Variants in BCHE observed in about 807,000 individuals in gnomAD.
The protein encoded by BCHE is cholinesterase.
In BCHE, 48 loss-of-function variants were observed where a neutral mutation model predicts 51.3. The observed-to-expected ratio is 0.94, with a 90% confidence interval of 0.74 to 1.19. BCHE has a LOEUF of 1.19. Among genes scored for constraint, BCHE ranks in the 50% most tolerant of loss-of-function variants. The pLI is 0.00. For missense variants in BCHE, 847 were observed against 708.2 expected, an observed-to-expected ratio of 1.20 and a Z score of -2.23; for synonymous variants, 251 against 238.0, an observed-to-expected ratio of 1.05 and a Z score of -0.50.
intron 2 of BCHE, among the ~76,000 whole-genome samples, chr3:165,806,907 A>T (rs1299354615): frequency 1.3e-5 from 2 of 152,070 alleles, no homozygotes; most frequent in Non-Finnish European, 2.9e-5. Flanking sequence ...GAACACTATA[A>T]TCTTATAGAA....
chr3:165,786,955 T>C (rs1712977949), intron 2 of BCHE, among the ~76,000 whole-genome samples: 1 of 151,728 alleles, frequency 6.6e-6, no homozygotes, highest in African/African-American at 2.4e-5. Flanking sequence ...TTTTCAGATA[T>C]TCTTTTTATA....
At chr3:165,786,068 C>T (rs1712932974) in intron 3 of BCHE, 77 bp downstream of exon 3, 2 of 1,463,490 alleles carry the variant, frequency 1.4e-6, no homozygotes, top group South Asian at 2.3e-5. Context: ...CATCACCGTG[C>T]CTTGGAGAGT....
chr3:165,776,625 A>T (rs2108194289), intron 3 of BCHE, among the ~76,000 whole-genome samples: 1 of 152,042 alleles, frequency 6.6e-6, no homozygotes, highest in African/African-American at 2.4e-5. Flanking sequence ...AATTAATTTT[A>T]GAAATAAAGA....
chr3:165,783,019 G>T (rs1161944594), intron 3 of BCHE, among the ~76,000 whole-genome samples: 1 of 152,070 alleles, frequency 6.6e-6, no homozygotes, highest in African/African-American at 2.4e-5. Context: ...TAGCAGAAGA[G>T]AATGCAAAGG....
chr3:165,823,934 CTTT>C (rs33928098), intron 2 of BCHE, among the ~76,000 whole-genome samples: 71 of 132,700 alleles, frequency 5.4e-4, no homozygotes, highest in Middle Eastern at 4.0e-3. Flanking sequence ...ACCCAACCAA[CTTT>C]TTTTTTTTTT....
chr3:165,799,106 T>C (rs943014566), intron 2 of BCHE, among the ~76,000 whole-genome samples: 1 of 152,156 alleles, frequency 6.6e-6, no homozygotes, highest in African/African-American at 2.4e-5. Context: ...AAATAAATCA[T>C]TTTTCAACTT....
At chr3:165,824,390 A>C (rs1714643387) in intron 2 of BCHE, among the ~76,000 whole-genome samples, 1 of 152,040 alleles carries the variant, frequency 6.6e-6, no homozygotes, top group Non-Finnish European at 1.5e-5. Flanking sequence ...AAGACTCTCA[A>C]GAAATAGGAA....
intron 3 of BCHE, among the ~76,000 whole-genome samples, chr3:165,779,129 C>G (rs1712583921): frequency 6.6e-6 from 1 of 152,150 alleles, no homozygotes; most frequent in South Asian, 2.1e-4. Context: ...ACATATTAAT[C>G]TCGTACTACG....
intron 2 of BCHE, among the ~76,000 whole-genome samples, chr3:165,799,103 T>A (rs150095321): frequency 1.9e-3 from 287 of 152,280 alleles, no homozygotes; most frequent in African/African-American, 6.7e-3. Context: ...GATAAATAAA[T>A]CATTTTTCAA....
At chr3:165,802,228 G>A (rs1252279937) in intron 2 of BCHE, among the ~76,000 whole-genome samples, 1 of 152,184 alleles carries the variant, frequency 6.6e-6, no homozygotes, top group African/African-American at 2.4e-5. Context: ...GTGATATCAA[G>A]GAGACCAAGT....
At chr3:165,820,642 T>C (rs1485823712) in intron 2 of BCHE, among the ~76,000 whole-genome samples, 4 of 152,008 alleles carry the variant, frequency 2.6e-5, no homozygotes, top group Admixed American at 2.6e-4. Context: ...TAAGAATTTT[T>C]CTCTTCACTC....
intron 2 of BCHE, among the ~76,000 whole-genome samples, chr3:165,792,808 G>A (rs1378208668): frequency 6.6e-6 from 1 of 152,088 alleles, no homozygotes; most frequent in Non-Finnish European, 1.5e-5. Flanking sequence ...TATGTGTATT[G>A]CAATAAAAAC....
Position 165,830,256 on chromosome 3 carries a change from C to A in BCHE, c.778G>T (p.Ala260Ser). The change falls in exon 2 of 4, where the codon GCG becomes TCG. Residue 260 changes from alanine (A) to serine (S), a missense_variant. Coordinates refer to ENST00000264381, the MANE Select transcript of BCHE (RefSeq NM_000055.4). ...LQSGSFNAPW[A>S]VTSLYEARNR... The stretch of plus-strand genomic sequence containing the variant: ...CTAGCTTCATAAAGAGATGTTACCG[C>A]CCAAGGAGCATTAAAGGATCCACTT... 1 of 1,613,982 alleles carries A rather than the reference C, an allele frequency of 6.2e-7. No homozygotes were observed. Among genetic ancestry groups the A allele is most frequent in the Non-Finnish European group, 8.5e-7 (1 of 1,179,930 alleles).
In BCHE at chr3:165,830,406, T is replaced by C; in HGVS notation, c.628A>G (p.Ile210Val). 2 of 1,614,010 alleles carry C rather than the reference T, an allele frequency of 1.2e-6. No homozygotes were observed. The highest frequency in any genetic ancestry group is 1.7e-6 in the Non-Finnish European group (2 of 1,179,920). The change falls in exon 2 of 4, where the codon ATA (isoleucine) becomes GTA (valine). Residue 210 changes from isoleucine to valine, a missense_variant. Ile to Val is a conservative substitution (Grantham distance 29). Transcript: ENST00000264381. ...TTAGGATTTCCACCAAAGGCTGCTA[T>C]ATTTTTTTGAACCCACTGAAGAGCC... ...QLALQWVQKNIAAFGGNPKSV... is the reference protein window; with the variant it reads ...QLALQWVQKNVAAFGGNPKSV...
rs905107166 is a variant in BCHE, at chr3:165,775,058, A to T, written c.1685-1552T>A. On this transcript the variant is annotated intron_variant, in intron 3 of 3. Transcript: ENST00000264381. ...CTAACAAAAAATTTTAAGTAATTTC[A>T]TGTATACTGAAAATAGGGGCTGGCA... Among the ~76,000 whole-genome samples, 49 of 152,188 alleles carry T rather than the reference A, an allele frequency of 3.2e-4. 1 individual carries two copies. The highest frequency in any genetic ancestry group is 1.2e-3 in the African/African-American group (49 of 41,472).
chr3:165,821,408 T>G (rs1280937046), intron 2 of BCHE, among the ~76,000 whole-genome samples: 2 of 151,704 alleles, frequency 1.3e-5, no homozygotes, highest in African/African-American at 2.4e-5. Context: ...TTTTCTGTTG[T>G]CATTTAAAAA....
rs28933389 is a variant in BCHE, at chr3:165,830,222, G to A, written c.812C>T (p.Thr271Met). 1,206 of 1,613,898 alleles carry A rather than the reference G, an allele frequency of 7.5e-4. 1 individual carries two copies. Among genetic ancestry groups the A allele is most frequent in the Middle Eastern group, 1.3e-3 (8 of 6,062 alleles). ...VTSLYEARNR[T>M]LNLAKLTGCS... ...ACCAGTCAATTTAGCTAAGTTCAACGTTCTGTTCCTAGCTTCATAAAGAGA... is the reference window on the plus strand; with the variant it reads ...ACCAGTCAATTTAGCTAAGTTCAACATTCTGTTCCTAGCTTCATAAAGAGA... Residue 271 changes from threonine (T) to methionine (M), a missense_variant, in exon 2 of 4, where the codon ACG becomes ATG. Coordinates refer to ENST00000264381, the MANE Select transcript of BCHE (RefSeq NM_000055.4).
At chr3:165,823,738 T>C (rs975968513) in intron 2 of BCHE, among the ~76,000 whole-genome samples, 2 of 152,020 alleles carry the variant, frequency 1.3e-5, no homozygotes, top group South Asian at 2.1e-4. Context: ...CTAAAAAATC[T>C]TGAAGCAGAA....
At chr3:165,827,728 T>C (rs1463078401) in intron 2 of BCHE, among the ~76,000 whole-genome samples, 2 of 152,082 alleles carry the variant, frequency 1.3e-5, no homozygotes, top group African/African-American at 2.4e-5. Context: ...ATATAAATGA[T>C]GTAATATGGA....
Sources: allele counts gnomAD v4.1 joint callset (sites outside exome capture counted in the v4.1 genomes callset), GRCh38; gene constraint gnomAD v4.1.1; transcripts MANE v1.5; gene names NCBI Gene and HGNC (gene_info 2026-07-23, HGNC 2026-07-21).